The following TENM1 variants were observed in gnomAD, a reference collection of about 807,000 sequenced individuals.
TENM1 encodes the protein teneurin transmembrane protein 1, also known as teneurin-1.
In TENM1, 35 loss-of-function variants were observed where a neutral mutation model predicts 174.8. The ratio of observed to expected loss-of-function variants is 0.20; its 90% confidence interval spans 0.15 to 0.27. TENM1 has a LOEUF of 0.27. TENM1 is among the 10% of genes least tolerant of loss of function. TENM1 has a pLI of 1.00. For missense variants in TENM1, 1,633 were observed against 2,130.1 expected (o/e 0.77, Z 4.59); for synonymous variants, 781 against 798.7 (o/e 0.98, Z 0.37).
In TENM1 at chrX:124,503,551, G is replaced by C. The variant is rs763061379; in HGVS notation, c.3445+9C>G. ...AGTAGTATTCATACAAATTTAAAAA[G>C]CTACTTACCACTTTGAGGATTCAAA... On this transcript the variant is annotated intron_variant, in intron 19 of 31. Coordinates refer to ENST00000422452, the Ensembl canonical transcript of TENM1. 1 of 1,191,307 alleles carries C rather than the reference G, an allele frequency of 8.4e-7. No homozygotes were observed. The highest frequency in any genetic ancestry group is 1.1e-6 in the Non-Finnish European group (1 of 885,755).
chrX:124,467,819 C>G (rs933807784), intron 22 of TENM1, among the ~76,000 whole-genome samples: 2 of 111,176 alleles, frequency 1.8e-5, no homozygotes, highest in Non-Finnish European at 3.8e-5. Context: ...AGTGCAGTGG[C>G]GCAATCTCAG....
rs67614153 is a variant in TENM1 at position 124,481,713 on chromosome X, T to TATATATATATATATATA, written c.3949+18_3949+19insTATATATATATATATAT. On this transcript the variant is annotated intron_variant, in intron 22 of 31. Transcript: ENST00000422452. ...CCCAAGGGTATATATATATATATAT[T>TATATATATATATATATA]TATTTATTTATTTTTTACCTCGAGG... 16 of 205,199 alleles carry TATATATATATATATATA rather than the reference T, an allele frequency of 7.8e-5. No homozygotes were observed. Among genetic ancestry groups the TATATATATATATATATA allele is most frequent in the African/African-American group, 2.1e-4 (3 of 14,149 alleles). The allele number at this position is 205,199 out of a possible 1,213,427, so 16.9% of individuals were successfully genotyped here. A position where few individuals can be genotyped will look rare whatever the true frequency, so the allele number is the denominator to read the frequency against.
intron 26 of TENM1, among the ~76,000 whole-genome samples, 163 bp from the exon 30 acceptor site, chrX:124,405,429 G>A (rs577337262): frequency 8.9e-6 from 1 of 112,095 alleles, no homozygotes; most frequent in Admixed American, 9.4e-5. Flanking sequence ...ACAGGCAAAC[G>A]TGTTCCCTAT....
chrX:124,943,655 A>G (rs988663073), intron 1 of TENM1, among the ~76,000 whole-genome samples: 1 of 112,078 alleles, frequency 8.9e-6, no homozygotes, highest in Non-Finnish European at 1.9e-5. Flanking sequence ...TTTAATATTT[A>G]AGGATCACTG....
the TENM1 span, among the ~76,000 whole-genome samples, chrX:125,156,047 A>G: frequency 5.3e-5 from 6 of 112,538 alleles, no homozygotes; most frequent in Non-Finnish European, 7.5e-5. Flanking sequence ...AGGAGACCAC[A>G]AAAAAGTAGG....
At chrX:124,426,475 T>C (rs1365800260) in intron 23 of TENM1, among the ~76,000 whole-genome samples, 1 of 111,986 alleles carries the variant, frequency 8.9e-6, no homozygotes, top group African/African-American at 3.2e-5. Context: ...AGTAATGAAG[T>C]GGATAAAGGT....
the TENM1 span, among the ~76,000 whole-genome samples, chrX:124,977,945 T>TG: frequency 2.0e-3 from 92 of 45,038 alleles, no homozygotes; most frequent in African/African-American, 8.3e-3. Flanking sequence ...GTTTAGTGTG[T>TG]GTGTGTGTGT....
At chrX:125,200,151 TA>T in the TENM1 span, among the ~76,000 whole-genome samples, 1 of 111,212 alleles carries the variant, frequency 9.0e-6, no homozygotes, top group African/African-American at 3.3e-5. Flanking sequence ...TCCTCTGTTC[TA>T]AAAAAAATCA....
chrX:125,158,886 C>A, the TENM1 span, among the ~76,000 whole-genome samples: 1 of 109,576 alleles, frequency 9.1e-6, no homozygotes, highest in Non-Finnish European at 1.9e-5. Flanking sequence ...ATAATATTGA[C>A]AATGAAGAAA....
chrX:125,098,045 C>T, the TENM1 span, among the ~76,000 whole-genome samples: 1 of 111,892 alleles, frequency 8.9e-6, no homozygotes, highest in Non-Finnish European at 1.9e-5. Context: ...AGGCAGATCA[C>T]GAGGTCAGGA....
intron 24 of TENM1, among the ~76,000 whole-genome samples, chrX:124,421,936 G>A (rs2060658220): frequency 8.9e-6 from 1 of 111,954 alleles, no homozygotes; most frequent in Admixed American, 9.5e-5. Flanking sequence ...TCTTTCATTT[G>A]TATAGTGGTC....
Position 124,931,887 on chromosome X carries a change from A to G in TENM1, c.217+31650T>C, listed in dbSNP as rs186322416. On this transcript the variant is annotated intron_variant, in intron 1 of 31. Coordinates refer to ENST00000422452, the Ensembl canonical transcript of TENM1. ...CAAGCGCACGCACACACACACACAC[A>G]CACACACACACGTACACGCACACAC... Among the ~76,000 whole-genome samples the G allele has an allele frequency of 1.3e-3, 148 of 110,676 alleles. 2 individuals are homozygous for G. The East Asian group carries it at 0.039, about 29-fold the overall frequency.
intron 3 of TENM1, among the ~76,000 whole-genome samples, chrX:124,844,565 T>C (rs1051730248): frequency 2.7e-5 from 3 of 111,171 alleles, no homozygotes; most frequent in African/African-American, 9.8e-5. Flanking sequence ...TTTGAGTGCT[T>C]CCAGTAGAAG....
At chrX:124,659,631 T>C (rs2051540467) in intron 6 of TENM1, among the ~76,000 whole-genome samples, 1 of 111,056 alleles carries the variant, frequency 9.0e-6, no homozygotes, top group South Asian at 3.9e-4. Context: ...GACAAGCTGA[T>C]GCTAAAATTA....
At chrX:125,064,090 C>T in the TENM1 span, among the ~76,000 whole-genome samples, 1 of 103,650 alleles carries the variant, frequency 9.6e-6, no homozygotes, top group African/African-American at 3.6e-5. Flanking sequence ...TGTTCTCACT[C>T]ATAGGTGGGA....
At chrX:124,590,948 A>C (rs990080006) in intron 11 of TENM1, among the ~76,000 whole-genome samples, 1 of 111,902 alleles carries the variant, frequency 8.9e-6, no homozygotes, top group Non-Finnish European at 1.9e-5. Context: ...ATGATAGTTA[A>C]GTCTTGCTGA....
At chrX:124,784,811 TG>T (rs1228044905) in intron 3 of TENM1, among the ~76,000 whole-genome samples, 2 of 111,165 alleles carry the variant, frequency 1.8e-5, no homozygotes, top group African/African-American at 6.5e-5. Context: ...GAGGAATACA[TG>T]AAAAAATTGA....
intron 23 of TENM1, among the ~76,000 whole-genome samples, chrX:124,436,790 C>T (rs1036961178): frequency 9.0e-6 from 1 of 111,084 alleles, no homozygotes; most frequent in Non-Finnish European, 1.9e-5. Flanking sequence ...TTTGTTTCCC[C>T]AGTCGGAGAG....
chrX:124,470,906 A>G (rs2061292458), intron 22 of TENM1, among the ~76,000 whole-genome samples: 1 of 108,841 alleles, frequency 9.2e-6, no homozygotes, highest in Non-Finnish European at 1.9e-5. Context: ...ACATACATGT[A>G]TTTTTAAGAA....
Sources: allele counts gnomAD v4.1 joint callset (sites outside exome capture counted in the v4.1 genomes callset), GRCh38; gene constraint gnomAD v4.1.1; transcripts MANE v1.5; gene names NCBI Gene and HGNC (gene_info 2026-07-23, HGNC 2026-07-21).